Variants in FRMD4B observed in about 807,000 individuals in gnomAD.
FRMD4B encodes the protein FERM domain-containing protein 4B.
In FRMD4B, 74 loss-of-function variants were observed where a neutral mutation model predicts 141.5. The ratio of observed to expected loss-of-function variants is 0.52; its 90% CI spans 0.43 to 0.63. FRMD4B has a LOEUF of 0.63. Ranked by LOEUF, FRMD4B falls within the 30% of genes least tolerant of loss-of-function variation. The pLI is 0.00. For missense variants in FRMD4B, 1,366 were observed against 1,253.4 expected (o/e 1.09, Z -1.36); for synonymous variants, 506 against 467.9 (o/e 1.08, Z -1.05).
intron 1 of FRMD4B, among the ~76,000 whole-genome samples, chr3:69,481,814 T>C (rs564805556): frequency 2.0e-5 from 3 of 152,282 alleles, no homozygotes; most frequent in African/African-American, 7.2e-5. Context: ...AGTCAGATAC[T>C]CACCTCTGGA....
intron 19 of FRMD4B, among the ~76,000 whole-genome samples, chr3:69,183,717 T>G (rs911618365): frequency 6.6e-6 from 1 of 151,818 alleles, no homozygotes; most frequent in African/African-American, 2.4e-5. Context: ...CTCCTGACCT[T>G]GTGATCCGCC....
intron 9 of FRMD4B, 103 bp downstream of exon 9, chr3:69,221,755 T>A: frequency 1.4e-6 from 1 of 712,624 alleles, no homozygotes; most frequent in Non-Finnish European, 2.6e-6. Context: ...TCTAACCAGA[T>A]AAGGACTATG....
intron 5 of FRMD4B, among the ~76,000 whole-genome samples, chr3:69,263,396 C>CTT (rs67497031): frequency 0.18 from 13,361 of 72,798 alleles, 1,969 homozygotes; most frequent in East Asian, 0.28. Context: ...GTTACATGCA[C>CTT]TTTTTTTTTT....
intron 1 of FRMD4B, among the ~76,000 whole-genome samples, chr3:69,320,571 C>T (rs909098188): frequency 6.6e-6 from 1 of 151,784 alleles, no homozygotes; most frequent in Non-Finnish European, 1.5e-5. Context: ...TCTCTAAAAG[C>T]AAAAACCAAA....
At chr3:69,519,996 C>CTA (rs1700825199) in intron 1 of FRMD4B, among the ~76,000 whole-genome samples, 1 of 56,610 alleles carries the variant, frequency 1.8e-5, no homozygotes, top group Non-Finnish European at 2.9e-5. Flanking sequence ...GAGTAGTATT[C>CTA]CATATATATA....
chr3:69,455,411 C>T (rs1043483991), intron 1 of FRMD4B, among the ~76,000 whole-genome samples: 1 of 152,226 alleles, frequency 6.6e-6, no homozygotes, highest in Non-Finnish European at 1.5e-5. Context: ...AGCTTCTCAT[C>T]TGAGAACAGT....
chr3:69,430,036 C>T (rs1260750060), intron 2 of FRMD4B, among the ~76,000 whole-genome samples: 1 of 152,098 alleles, frequency 6.6e-6, no homozygotes, highest in Non-Finnish European at 1.5e-5. Flanking sequence ...GCTGGGATTA[C>T]AGGCATGAGC....
At chr3:69,506,191 T>C (rs1706592350) in intron 1 of FRMD4B, among the ~76,000 whole-genome samples, 1 of 152,132 alleles carries the variant, frequency 6.6e-6, no homozygotes, top group Admixed American at 6.5e-5. Flanking sequence ...TTATTATCCG[T>C]GGTGCTGATG....
intron 5 of FRMD4B, among the ~76,000 whole-genome samples, chr3:69,275,383 G>A (rs2093612938): frequency 6.6e-6 from 1 of 151,458 alleles, no homozygotes; most frequent in South Asian, 2.1e-4. Context: ...AAATGCCCAA[G>A]TGTTTTTGTA....
At chr3:69,521,398 A>G (rs560263196) in intron 1 of FRMD4B, among the ~76,000 whole-genome samples, 1 of 152,238 alleles carries the variant, frequency 6.6e-6, no homozygotes, top group African/African-American at 2.4e-5. Flanking sequence ...ATTTCTCCCC[A>G]AGCATGTTTT....
chr3:69,209,359 G>A (rs1015546747), intron 11 of FRMD4B, among the ~76,000 whole-genome samples: 23 of 152,182 alleles, frequency 1.5e-4, no homozygotes, highest in African/African-American at 4.8e-4. Context: ...TTCTAATTGC[G>A]ATCAACTATG....
At chr3:69,315,130 A>G (rs954748448) in intron 1 of FRMD4B, among the ~76,000 whole-genome samples, 1 of 152,250 alleles carries the variant, frequency 6.6e-6, no homozygotes, top group African/African-American at 2.4e-5. Flanking sequence ...AGTTAAGAAC[A>G]GTTAAGATAT....
At chr3:69,377,888 G>A (rs9848456) in intron 1 of FRMD4B, among the ~76,000 whole-genome samples, 141,406 of 151,572 alleles carry the variant, frequency 0.93, 65,964 homozygotes, top group East Asian at 0.97. Flanking sequence ...TCTGCTCACC[G>A]CAACCTCTGC....
At chr3:69,486,856 C>G (rs144580719) in intron 1 of FRMD4B, among the ~76,000 whole-genome samples, 1 of 152,214 alleles carries the variant, frequency 6.6e-6, no homozygotes, top group Non-Finnish European at 1.5e-5. Flanking sequence ...TTTCACAAAG[C>G]CTCTGACTCT....
At chr3:69,260,349 C>T (rs947063268) in intron 5 of FRMD4B, among the ~76,000 whole-genome samples, 22 of 152,322 alleles carry the variant, frequency 1.4e-4, no homozygotes, top group Middle Eastern at 3.4e-3. Context: ...GGCGTGGGCT[C>T]GGCAGCCTCT....
chr3:69,318,664 C>A (rs1701886046), intron 1 of FRMD4B, among the ~76,000 whole-genome samples: 1 of 152,150 alleles, frequency 6.6e-6, no homozygotes, highest in Non-Finnish European at 1.5e-5. Context: ...AAAGGCCTGC[C>A]CTTGTCACTT....
chr3:69,268,087 GA>G (rs2093576540), intron 5 of FRMD4B, among the ~76,000 whole-genome samples: 1 of 151,780 alleles, frequency 6.6e-6, no homozygotes, highest in Non-Finnish European at 1.5e-5. Flanking sequence ...CTGAAGTCTT[GA>G]GTCTCTACTT....
chr3:69,539,342 C>T (rs139192221), intron 1 of FRMD4B, among the ~76,000 whole-genome samples: 12 of 152,280 alleles, frequency 7.9e-5, no homozygotes, highest in African/African-American at 2.4e-4. Context: ...TAGAGGCCAG[C>T]GACAATAAAC....
chr3:69,542,119 C>T (rs1029384615), intron 1 of FRMD4B: 1 of 151,554 alleles, frequency 6.6e-6, no homozygotes, highest in East Asian at 2.0e-4. Flanking sequence ...GCGCTGCGCC[C>T]GGGGCGCACC....
Sources: gnomAD v4.1 joint callset for allele counts (sites outside exome capture counted in the v4.1 genomes callset) on GRCh38, gnomAD v4.1.1 for gene constraint, MANE v1.5 for transcripts, NCBI Gene and HGNC (gene_info 2026-07-23, HGNC 2026-07-21) for gene names.